Variants in MYO3B observed in about 807,000 individuals in gnomAD.
MYO3B encodes the protein myosin-IIIb.
Under a neutral mutation model 174.6 loss-of-function variants are expected in MYO3B, and 156 were observed. The observed-to-expected ratio is 0.89, with a 90% CI of 0.78 to 1.02. The LOEUF is 1.02. Ranked by LOEUF, MYO3B falls within the 50% of genes least tolerant of loss-of-function variation. MYO3B has a pLI of 0.00. For missense variants in MYO3B, 1,632 were observed against 1,639.4 expected, an observed-to-expected ratio of 1.00 and a Z score of 0.08; for synonymous variants, 563 against 569.1, an observed-to-expected ratio of 0.99 and a Z score of 0.15.
intron 32 of MYO3B, among the ~76,000 whole-genome samples, chr2:170,574,626 G>A (rs546532858): frequency 1.3e-5 from 2 of 152,202 alleles, no homozygotes; most frequent in African/African-American, 4.8e-5. Context: ...GTTAAAACAC[G>A]ATTCTCTTGT....
At chr2:170,390,734 G>A (rs1475456669) in intron 14 of MYO3B, among the ~76,000 whole-genome samples, 1 of 152,150 alleles carries the variant, frequency 6.6e-6, no homozygotes, top group East Asian at 1.9e-4. Context: ...GTGGAGCAGT[G>A]CTTTTCAAAC....
chr2:170,618,381 C>T (rs1379133069), intron 32 of MYO3B, among the ~76,000 whole-genome samples: 4 of 152,120 alleles, frequency 2.6e-5, no homozygotes, highest in Admixed American at 6.5e-5. Context: ...AGACCTGGAT[C>T]GCTGGAGACA....
chr2:170,536,875 C>A (rs1366175238), intron 30 of MYO3B, among the ~76,000 whole-genome samples: 1 of 152,028 alleles, frequency 6.6e-6, no homozygotes, highest in East Asian at 1.9e-4. Flanking sequence ...ACTTGCCTCC[C>A]TCAAGATTCT....
At chr2:170,405,230 G>T (rs1322987705) in intron 20 of MYO3B, among the ~76,000 whole-genome samples, 1 of 152,166 alleles carries the variant, frequency 6.6e-6, no homozygotes, top group African/African-American at 2.4e-5. Flanking sequence ...AAGTTGTCCA[G>T]ATGAGTTTAA....
In MYO3B at chr2:170,483,375, C is replaced by CTTTT. The variant is rs61527598; in HGVS notation, c.3015-15191_3015-15188dup. Among the ~76,000 whole-genome samples the CTTTT allele has an allele frequency of 5.0e-3, 311 of 62,100 alleles. 36 individuals are homozygous for CTTTT. The highest frequency in any genetic ancestry group is 7.1e-3 in the Non-Finnish European group (247 of 34,700). The allele number at this position is 62,100 out of a possible 152,430, so 40.7% of individuals were successfully genotyped here. A position where few individuals can be genotyped will look rare whatever the true frequency, so the allele number is the denominator to read the frequency against. ...AATTAAAACTCCTTGCTTGGGGATT[C>CTTTT]TTTTTTTTTTTTTTTTTTTTTTTTT... On this transcript the variant is annotated intron_variant, in intron 25 of 34. Coordinates refer to ENST00000408978, the MANE Select transcript of MYO3B (RefSeq NM_138995.5).
At chr2:170,650,784 A>T (rs1698952496) in intron 32 of MYO3B, among the ~76,000 whole-genome samples, 2 of 146,768 alleles carry the variant, frequency 1.4e-5, no homozygotes, top group Admixed American at 1.4e-4. Flanking sequence ...CCCGGGTTCA[A>T]GCTATTCTCC....
Position 170,466,606 on chromosome 2 carries a change from G to T in MYO3B, c.2909G>T (p.Arg970Leu), listed in dbSNP as rs35169479. ...NDDREALQFS[R>L]ERVLAQLRST... ...GACCGAGAGGCCCTGCAGTTCTCTC[G>T]AGAGAGGGTGCTGGCCCAGCTCCGC... is the stretch of plus-strand genomic sequence containing the variant. The change falls in exon 25 of 35, where the codon CGA becomes CTA. Residue 970 changes from arginine to leucine, a missense_variant. Arg to Leu is a moderately radical substitution (Grantham distance 102). Coordinates refer to ENST00000408978, the MANE Select transcript of MYO3B (RefSeq NM_138995.5). The T allele has an allele frequency of 3.2e-4, 517 of 1,614,180 alleles. 5 individuals are homozygous for T. The South Asian group carries it at 5.0e-3, about 16-fold the overall frequency.
intron 25 of MYO3B, among the ~76,000 whole-genome samples, chr2:170,487,085 A>G (rs1226990315): frequency 6.6e-6 from 1 of 152,180 alleles, no homozygotes; most frequent in Non-Finnish European, 1.5e-5. Context: ...CACATCTTTC[A>G]TTGTATCTCC....
intron 7 of MYO3B, among the ~76,000 whole-genome samples, chr2:170,245,466 T>TGCCAGA (rs1342391163): frequency 1.4e-4 from 22 of 152,200 alleles, no homozygotes; most frequent in Non-Finnish European, 3.1e-4. Context: ...AATGATGTCT[T>TGCCAGA]CCTTCTGAGT....
intron 32 of MYO3B, among the ~76,000 whole-genome samples, chr2:170,546,056 T>C (rs1317819013): frequency 2.0e-5 from 3 of 152,122 alleles, no homozygotes; most frequent in African/African-American, 7.2e-5. Flanking sequence ...TATTCTCTAT[T>C]CTCCGAACAT....
At chr2:170,365,962 A>G (rs988420540) in intron 8 of MYO3B, among the ~76,000 whole-genome samples, 6 of 152,164 alleles carry the variant, frequency 3.9e-5, no homozygotes, top group African/African-American at 9.7e-5. Flanking sequence ...GAACATCAGC[A>G]TACAGGGGAG....
chr2:170,605,052 C>T (rs1355353512), intron 32 of MYO3B, among the ~76,000 whole-genome samples: 2 of 152,090 alleles, frequency 1.3e-5, no homozygotes, highest in South Asian at 2.1e-4. Flanking sequence ...ACTAGAGAAC[C>T]CCTTTGGGTC....
At chr2:170,484,282 G>A (rs1685886689) in intron 25 of MYO3B, among the ~76,000 whole-genome samples, 2 of 152,164 alleles carry the variant, frequency 1.3e-5, no homozygotes, top group Non-Finnish European at 2.9e-5. Context: ...AGAGTATGTG[G>A]ATGATGGAGT....
chr2:170,366,760 C>G (rs775933593), intron 8 of MYO3B, among the ~76,000 whole-genome samples: 2 of 152,170 alleles, frequency 1.3e-5, no homozygotes, highest in Non-Finnish European at 2.9e-5. Flanking sequence ...GAGGGACCCT[C>G]TCTAACATAT....
chr2:170,290,428 A>G (rs538565395), intron 7 of MYO3B, among the ~76,000 whole-genome samples: 3 of 152,214 alleles, frequency 2.0e-5, no homozygotes, highest in South Asian at 4.1e-4. Flanking sequence ...ATCATTATAT[A>G]GTTACCTTCT....
intron 32 of MYO3B, among the ~76,000 whole-genome samples, chr2:170,588,657 C>A (rs1693639961): frequency 6.6e-6 from 1 of 152,180 alleles, no homozygotes. Context: ...AGTGGCATTT[C>A]TCCTTCCAAA....
At chr2:170,633,320 GC>G (rs1334733490) in intron 32 of MYO3B, among the ~76,000 whole-genome samples, 1 of 152,110 alleles carries the variant, frequency 6.6e-6, no homozygotes, top group Non-Finnish European at 1.5e-5. Flanking sequence ...TTCAACATAC[GC>G]AAATCAATAA....
intron 7 of MYO3B, among the ~76,000 whole-genome samples, chr2:170,312,606 C>T (rs910344836): frequency 5.3e-5 from 8 of 152,224 alleles, no homozygotes; most frequent in African/African-American, 1.9e-4. Flanking sequence ...CAAATGCCAT[C>T]AAAGTGAATC....
At chr2:170,539,630 T>A (rs1014653265) in intron 30 of MYO3B, among the ~76,000 whole-genome samples, 1 of 152,044 alleles carries the variant, frequency 6.6e-6, no homozygotes, top group Non-Finnish European at 1.5e-5. Flanking sequence ...TTTATTTTTT[T>A]TTTTTTGAGA....
Sources: allele counts gnomAD v4.1 joint callset (sites outside exome capture counted in the v4.1 genomes callset), GRCh38; gene constraint gnomAD v4.1.1; transcripts MANE v1.5; gene names NCBI Gene and HGNC (gene_info 2026-07-23, HGNC 2026-07-21).